Variants in KCNIP4 observed in about 807,000 individuals in gnomAD.
KCNIP4 encodes the protein potassium voltage-gated channel interacting protein 4.
KCNIP4 carries 12 observed loss-of-function variants against 34.0 expected under a neutral mutation model. The observed-to-expected ratio is 0.35, with a 90% CI of 0.23 to 0.57. The LOEUF is 0.57. Among genes scored for constraint, KCNIP4 ranks in the 20% least tolerant of loss-of-function variants. The pLI is 0.83. For missense variants in KCNIP4, 238 were observed against 311.7 expected, an observed-to-expected ratio of 0.76 and a Z score of 1.78; for synonymous variants, 124 against 102.2, an observed-to-expected ratio of 1.21 and a Z score of -1.29.
intron 1 of KCNIP4, among the ~76,000 whole-genome samples, chr4:21,692,987 T>C (rs1207928407): frequency 1.3e-5 from 2 of 151,076 alleles, no homozygotes; most frequent in South Asian, 4.2e-4. Context: ...GAGAGAGAGG[T>C]TGGAAATATG....
intron 1 of KCNIP4, among the ~76,000 whole-genome samples, chr4:21,810,930 G>A (rs1267286452): frequency 3.3e-5 from 5 of 152,124 alleles, no homozygotes; most frequent in Non-Finnish European, 7.4e-5. Flanking sequence ...AATGGGGAAG[G>A]GAAATACAGG....
intron 3 of KCNIP4, among the ~76,000 whole-genome samples, chr4:20,825,225 G>GTTTTTTTTTTTTTTTTTTTT (rs71181592): frequency 8.8e-6 from 1 of 113,636 alleles, no homozygotes; most frequent in Non-Finnish European, 1.7e-5. Flanking sequence ...TCAATTTTAC[G>GTTTTTTTTTTTTTTTTTTTT]TTTTTTTTTT....
At position 20,986,770 on chromosome 4, in the gene KCNIP4, T is replaced by C. The variant is rs573037844; in HGVS notation, c.62-104061A>G. On this transcript the variant is annotated intron_variant, in intron 1 of 8. Coordinates refer to ENST00000382152, the MANE Select transcript of KCNIP4 (RefSeq NM_025221.6). ...ACATCTCATTTTCCAGGATTGAAATTCCTATCTTTTTTGAAATTCACATAA... is the reference window on the plus strand; with the variant it reads ...ACATCTCATTTTCCAGGATTGAAATCCCTATCTTTTTTGAAATTCACATAA... Among the ~76,000 whole-genome samples, 12 of 152,348 alleles carry C rather than the reference T, an allele frequency of 7.9e-5. No homozygotes were observed. In the East Asian group the frequency reaches 2.3e-3, roughly 29 times the overall value.
At chr4:20,983,718 T>C in intron 1 of KCNIP4, 2 of 1,014,484 alleles carry the variant, frequency 2.0e-6, no homozygotes, top group Non-Finnish European at 2.9e-6. Flanking sequence ...TTTAAAACTT[T>C]TACTTTGAGT....
At chr4:20,922,517 C>T (rs1017811656) in intron 1 of KCNIP4, among the ~76,000 whole-genome samples, 2 of 72,712 alleles carry the variant, frequency 2.8e-5, no homozygotes, top group Admixed American at 3.3e-4. Context: ...AATAGTGTGA[C>T]TGTCTGTCTG....
chr4:21,857,591 C>G (rs1724838681), intron 1 of KCNIP4, among the ~76,000 whole-genome samples: 1 of 152,136 alleles, frequency 6.6e-6, no homozygotes, highest in Non-Finnish European at 1.5e-5. Context: ...CTGCTGACAG[C>G]TGAACACTCG....
chr4:21,754,949 C>A (rs1005747253), intron 1 of KCNIP4, among the ~76,000 whole-genome samples: 5 of 152,038 alleles, frequency 3.3e-5, no homozygotes, highest in Non-Finnish European at 7.4e-5. Flanking sequence ...GAGTTCAAGA[C>A]CACCCTGGCC....
At chr4:20,739,374 A>G (rs1286955717) in intron 5 of KCNIP4, among the ~76,000 whole-genome samples, 2 of 152,162 alleles carry the variant, frequency 1.3e-5, no homozygotes, top group African/African-American at 4.8e-5. Flanking sequence ...TGCCCCTCTA[A>G]GACAAAGCTT....
intron 1 of KCNIP4, among the ~76,000 whole-genome samples, chr4:20,976,211 A>G (rs1219960356): frequency 6.6e-6 from 1 of 152,124 alleles, no homozygotes; most frequent in Non-Finnish European, 1.5e-5. Context: ...GTAAGAACCC[A>G]TTAGAAATGT....
At chr4:21,901,770 C>CA (rs1345711956) in intron 1 of KCNIP4, among the ~76,000 whole-genome samples, 1 of 152,016 alleles carries the variant, frequency 6.6e-6, no homozygotes, top group Non-Finnish European at 1.5e-5. Flanking sequence ...ACTTTGTTTT[C>CA]ATACAAGGGG....
Position 21,677,812 on chromosome 4 carries a change from C to T in KCNIP4, c.61+270759G>A, listed in dbSNP as rs576188510. Among the ~76,000 whole-genome samples the T allele has an allele frequency of 1.1e-4, 17 of 152,240 alleles. No homozygotes were observed. In the South Asian group the frequency reaches 1.2e-3, roughly 11 times the overall value. ...TCACCCAGGCTGGAGTGCAGCGGCACGATGTTGGCTCACTGCAACCTCCTC... is the reference window on the plus strand; with the variant it reads ...TCACCCAGGCTGGAGTGCAGCGGCATGATGTTGGCTCACTGCAACCTCCTC... On this transcript the variant is annotated intron_variant, in intron 1 of 8. Transcript: ENST00000382152.
At chr4:20,874,242 C>G (rs1427027935) in intron 2 of KCNIP4, among the ~76,000 whole-genome samples, 1 of 152,146 alleles carries the variant, frequency 6.6e-6, no homozygotes, top group Non-Finnish European at 1.5e-5. Context: ...TAGTTAGTCA[C>G]AGAATGAGGA....
chr4:20,753,294 T>C (rs952916476), intron 4 of KCNIP4, among the ~76,000 whole-genome samples: 1 of 152,120 alleles, frequency 6.6e-6, no homozygotes, highest in African/African-American at 2.4e-5. Flanking sequence ...TCGAGGATAC[T>C]AGAGTAGAAA....
chr4:21,755,214 T>G (rs1350123302), intron 1 of KCNIP4, among the ~76,000 whole-genome samples: 1 of 152,166 alleles, frequency 6.6e-6, no homozygotes, highest in Non-Finnish European at 1.5e-5. Context: ...TCTCTGCCAG[T>G]AGTTATTCAT....
intron 1 of KCNIP4, among the ~76,000 whole-genome samples, chr4:21,044,709 C>T (rs1560673190): frequency 6.6e-6 from 1 of 152,134 alleles, no homozygotes; most frequent in Non-Finnish European, 1.5e-5. Context: ...CATCAACTTG[C>T]CAGGCTGCAG....
intron 1 of KCNIP4, among the ~76,000 whole-genome samples, chr4:21,896,447 A>G (rs1727389893): frequency 6.6e-6 from 1 of 152,140 alleles, no homozygotes. Context: ...CTGGGGTAGA[A>G]GGTATCATGG....
intron 1 of KCNIP4, among the ~76,000 whole-genome samples, chr4:21,094,009 G>A (rs1013487277): frequency 5.3e-5 from 8 of 151,996 alleles, no homozygotes; most frequent in East Asian, 1.9e-4. Context: ...GTGAACCCGG[G>A]AGGCAGAGCT....
At chr4:21,778,924 C>T (rs11732235) in intron 1 of KCNIP4, among the ~76,000 whole-genome samples, 92,538 of 151,858 alleles carry the variant, frequency 0.61, 29,860 homozygotes, top group Non-Finnish European at 0.73. Context: ...GAGGAAGGTA[C>T]TAATTGCATT....
At chr4:21,009,767 C>CT (rs1263935110) in intron 1 of KCNIP4, among the ~76,000 whole-genome samples, 1 of 152,216 alleles carries the variant, frequency 6.6e-6, no homozygotes, top group Non-Finnish European at 1.5e-5. Flanking sequence ...CTGGAATGGG[C>CT]TGCCGCCTCT....
Sources: gnomAD v4.1 joint callset for allele counts (sites outside exome capture counted in the v4.1 genomes callset) on GRCh38, gnomAD v4.1.1 for gene constraint, MANE v1.5 for transcripts, NCBI Gene and HGNC (gene_info 2026-07-23, HGNC 2026-07-21) for gene names.